The following NET1 variants were observed in gnomAD, a reference collection of about 807,000 sequenced individuals.
The protein encoded by NET1 is neuroepithelial cell-transforming gene 1 protein.
NET1 carries 42 observed loss-of-function variants against 61.1 expected under a neutral mutation model. The ratio of observed to expected loss-of-function variants is 0.69; its 90% CI spans 0.54 to 0.89. NET1 has a LOEUF of 0.89. Ranked by LOEUF, NET1 falls within the 40% of genes least tolerant of loss-of-function variation. NET1 has a pLI of 0.00. For synonymous variants in NET1, 254 were observed against 281.8 expected (o/e 0.90, Z 0.99); for missense variants, 654 against 747.3 (o/e 0.88, Z 1.46).
rs557012721 is a variant in NET1 at position 5,431,760 on chromosome 10, A to C, written c.255+2531A>C. Among the ~76,000 whole-genome samples, 32 of 152,144 alleles carry C rather than the reference A, an allele frequency of 2.1e-4. No individual in the cohort carries two copies. The highest frequency in any genetic ancestry group is 7.0e-4 in the African/African-American group (29 of 41,508). The stretch of plus-strand genomic sequence containing the variant: ...ATAAATACTTGTTTTACATGGATTC[A>C]GTTTTTTTTAAATTTTGTTTTGTAG... On this transcript the variant is annotated intron_variant, in intron 3 of 11. Transcript: ENST00000355029. This position sits in a 1 kb window ranked among gnomAD's most constrained non-coding sequence, Gnocchi z 4.9.
chr10:5,434,237 G>A (rs1393052890), intron 3 of NET1, among the ~76,000 whole-genome samples: 1 of 152,076 alleles, frequency 6.6e-6, no homozygotes, highest in East Asian at 1.9e-4. Flanking sequence ...TTCAAAGTAT[G>A]GTTTCATCCT....
At position 5,426,213 on chromosome 10, in the gene NET1, G is replaced by A. The variant is rs4418709; in HGVS notation, c.129-442G>A. On this transcript the variant is annotated intron_variant, in intron 1 of 11. Transcript: ENST00000355029. The surrounding 1 kb of genome is among the most constrained non-coding windows in gnomAD (Gnocchi z 4.6). Reference sequence around the variant, plus strand: ...GATTTACATGAAATGCAGATAATGTGAAGTTAGGTTTTGTTAAGAGTATCC... The same window carrying A: ...GATTTACATGAAATGCAGATAATGTAAAGTTAGGTTTTGTTAAGAGTATCC... Among the ~76,000 whole-genome samples, 106,193 of 152,048 alleles carry A rather than the reference G, an allele frequency of 0.7. 37,309 individuals carry two copies. The highest frequency in any genetic ancestry group is 0.75 in the Admixed American group (11,450 of 15,280).
rs373274839 is a variant in NET1, at chr10:5,435,530, T to C, written c.255+6301T>C. Among the ~76,000 whole-genome samples the C allele has an allele frequency of 0.11, 1,438 of 12,692 alleles. 48 individuals carry two copies. Among genetic ancestry groups the C allele is most frequent in the African/African-American group, 0.22 (1,325 of 6,054 alleles). The allele number at this position is 12,692 out of a possible 152,430, so 8.3% of individuals were successfully genotyped here. On this transcript the variant is annotated intron_variant, in intron 3 of 11. Transcript: ENST00000355029. This position sits in a 1 kb window ranked among gnomAD's most constrained non-coding sequence, Gnocchi z 5.0. ...ATAGATAGATAGATAGATAGATAGA[T>C]AGACAGACAGACAGATAGATAGATA...
chr10:5,427,285 G>C lies in NET1; in HGVS notation c.195+564G>C, dbSNP rs1361207932. On this transcript the variant is annotated intron_variant, in intron 2 of 11. Transcript: ENST00000355029. The surrounding 1 kb of genome is among the most constrained non-coding windows in gnomAD (Gnocchi z 4.1). ...TACATATATAAAGTACGTACAAATA[G>C]ATCATGATTCTTATGCTTATCTAGG... Among the ~76,000 whole-genome samples, 1 of 152,084 alleles carries C rather than the reference G, an allele frequency of 6.6e-6. No individual in the cohort carries two copies. The highest frequency in any genetic ancestry group is 2.4e-5 in the African/African-American group (1 of 41,412).
Position 5,457,889 on chromosome 10 carries a change from A to T in NET1, c.*895A>T, listed in dbSNP as rs1016022361. The T allele has an allele frequency of 6.6e-6, 1 of 152,646 alleles. No individual in the cohort carries two copies. The highest frequency in any genetic ancestry group is 2.4e-5 in the African/African-American group (1 of 41,458). 9.5% of individuals were successfully genotyped at this position (152,646 alleles called of 1,614,324 possible). On this transcript the variant is annotated 3_prime_UTR_variant, in exon 12 of 12. Transcript: ENST00000355029. This position sits in a 1 kb window ranked among gnomAD's most constrained non-coding sequence, Gnocchi z 5.4. The stretch of plus-strand genomic sequence containing the variant: ...TATTCTAGACTACTGAAAGAAAACC[A>T]CTTCAAAGATTTTGTTGAAAGTTTT...
chr10:5,439,355 G>A lies in NET1; in HGVS notation c.255+10126G>A, dbSNP rs776962687. On this transcript the variant is annotated intron_variant, in intron 3 of 11. Transcript: ENST00000355029. The surrounding 1 kb of genome is among the most constrained non-coding windows in gnomAD (Gnocchi z 4.8). ...TGAGGGCCAAATTTTTCTCTTAGTG[G>A]TTTTAGAGACCTACTCCACCCCTAG... Among the ~76,000 whole-genome samples the A allele has an allele frequency of 6.6e-6, 1 of 152,130 alleles. No individual in the cohort carries two copies. The highest frequency in any genetic ancestry group is 1.5e-5 in the Non-Finnish European group (1 of 68,014).
intron 3 of NET1, among the ~76,000 whole-genome samples, chr10:5,442,090 T>C (rs1293413780): frequency 6.6e-6 from 1 of 152,214 alleles, no homozygotes; most frequent in Non-Finnish European, 1.5e-5. Flanking sequence ...TTTAGTAATA[T>C]AAGACATGAA....
chr10:5,425,818 A>G (rs1832250386), intron 1 of NET1, among the ~76,000 whole-genome samples: 1 of 152,200 alleles, frequency 6.6e-6, no homozygotes, highest in Non-Finnish European at 1.5e-5. Flanking sequence ...ATTTATTTCC[A>G]CAAGGAAAAA....
Position 5,451,783 on chromosome 10 carries a change from C to A in NET1, c.256-47C>A. The stretch of plus-strand genomic sequence containing the variant: ...TACTTTGTCCAAGTTTGTATGAAAT[C>A]ATTGCACCTAGACATATATTTAGTG... On this transcript the variant is annotated intron_variant, in intron 3 of 11. Transcript: ENST00000355029. This position sits in a 1 kb window ranked among gnomAD's most constrained non-coding sequence, Gnocchi z 6.1. The A allele has an allele frequency of 5.6e-6, 8 of 1,437,884 alleles. No homozygotes were observed. The South Asian group carries it at 9.7e-5, about 17-fold the overall frequency. 89.1% of individuals were successfully genotyped at this position (1,437,884 alleles called of 1,614,324 possible).
chr10:5,452,898 A>AG lies in NET1; in HGVS notation c.574dup (p.Asp192GlyfsTer11). On this transcript the variant is annotated frameshift_variant, in exon 6 of 12. Coordinates refer to ENST00000355029, the MANE Select transcript of NET1 (RefSeq NM_001047160.3). LOFTEE classifies it high-confidence loss of function. The surrounding 1 kb of genome is among the most constrained non-coding windows in gnomAD (Gnocchi z 4.0). Reference sequence around the variant, plus strand: ...TCCCGAGGTGAACAGGATTTAATTGAGGATCTCAAACTTGCAAGAAAGGTC... The same window carrying AG: ...TCCCGAGGTGAACAGGATTTAATTGAGGGATCTCAAACTTGCAAGAAAGGTC... The AG allele has an allele frequency of 6.2e-7, 1 of 1,612,964 alleles. No individual in the cohort carries two copies. Among genetic ancestry groups the AG allele is most frequent in the Non-Finnish European group, 8.5e-7 (1 of 1,179,082 alleles).
rs556503358 is a variant in NET1 at position 5,446,585 on chromosome 10, C to A, written c.256-5245C>A. On this transcript the variant is annotated intron_variant, in intron 3 of 11. Coordinates refer to ENST00000355029, the MANE Select transcript of NET1 (RefSeq NM_001047160.3). This position sits in a 1 kb window ranked among gnomAD's most constrained non-coding sequence, Gnocchi z 5.0. ...TGGCCCCGCCCCCGAGCCCTGGGGT[C>A]GGTGCTTGCTGCCTGCGGCTCTCAG... The A allele has an allele frequency of 3.4e-6, 4 of 1,191,870 alleles. No homozygotes were observed. Among genetic ancestry groups the A allele is most frequent in the Admixed American group, 4.5e-5 (1 of 22,332 alleles). The allele number at this position is 1,191,870 out of a possible 1,614,324, so 73.8% of individuals were successfully genotyped here.
chr10:5,451,062 G>A lies in NET1; in HGVS notation c.256-768G>A, dbSNP rs1285813034. ...ATCTGTTAGTAATAGCTCAAACTGA[G>A]TATGTGCCAGGCACTGTTTCAAGCC... is the stretch of plus-strand genomic sequence containing the variant. On this transcript the variant is annotated intron_variant, in intron 3 of 11. Transcript: ENST00000355029. This position sits in a 1 kb window ranked among gnomAD's most constrained non-coding sequence, Gnocchi z 6.1. Among the ~76,000 whole-genome samples, 1 of 152,180 alleles carries A rather than the reference G, an allele frequency of 6.6e-6. No individual in the cohort carries two copies.
Position 5,453,061 on chromosome 10 carries a change from A to C in NET1, c.594+141A>C, listed in dbSNP as rs1832734441. ...AATACATTTTTTTTAGGTGAGGTCTAGACACATCCTCAAATACAAGTATTA... is the reference window on the plus strand; with the variant it reads ...AATACATTTTTTTTAGGTGAGGTCTCGACACATCCTCAAATACAAGTATTA... On this transcript the variant is annotated intron_variant, in intron 6 of 11. Transcript: ENST00000355029. The surrounding 1 kb of genome is among the most constrained non-coding windows in gnomAD (Gnocchi z 4.9). 13 of 716,880 alleles carry C rather than the reference A, an allele frequency of 1.8e-5. No homozygotes were observed. The East Asian group carries it at 3.3e-4, about 18-fold the overall frequency. 44.4% of individuals were successfully genotyped at this position (716,880 alleles called of 1,614,324 possible).
chr10:5,454,379 G>C lies in NET1; in HGVS notation c.883G>C (p.Glu295Gln). Residue 295 changes from glutamate to glutamine, a missense_variant, in exon 9 of 12, where the codon GAG becomes CAG. By Grantham distance (29) the Glu-to-Gln change is conservative. Coordinates refer to ENST00000355029, the MANE Select transcript of NET1 (RefSeq NM_001047160.3). The surrounding 1 kb of genome is among the most constrained non-coding windows in gnomAD (Gnocchi z 8.1). ...RVQDFLQRCL[E>Q]SPFSRKLDLW... The stretch of plus-strand genomic sequence containing the variant: ...CCAAGACTTCCTCCAGCGATGTCTC[G>C]AGTCTCCCTTCAGTCGAAAACTAGA... 1 of 1,614,092 alleles carries C rather than the reference G, an allele frequency of 6.2e-7. No homozygotes were observed. The highest frequency in any genetic ancestry group is 8.5e-7 in the Non-Finnish European group (1 of 1,180,020).
At position 5,456,825 on chromosome 10, in the gene NET1, T is replaced by C; in HGVS notation, c.1622T>C (p.Val541Ala). 3 of 1,613,916 alleles carry C rather than the reference T, an allele frequency of 1.9e-6. No individual in the cohort carries two copies. Among genetic ancestry groups the C allele is most frequent in the Non-Finnish European group, 2.5e-6 (3 of 1,179,940 alleles). ...ACAGCCCAGAGGAGGGCATCCACAG[T>C]TTCCAGTGTTACTCAGGTAGAAGTT... ...KLTAQRRASTVSSVTQVEVDE... is the reference protein window; with the variant it reads ...KLTAQRRASTASSVTQVEVDE... Residue 541 changes from valine to alanine, a missense_variant, in exon 12 of 12, where the codon GTT (valine) becomes GCT (alanine). Physicochemically the swap from Val to Ala is moderately conservative, Grantham distance 64. Transcript: ENST00000355029. The surrounding 1 kb of genome is among the most constrained non-coding windows in gnomAD (Gnocchi z 7.0).
Position 5,451,511 on chromosome 10 carries a change from T to TTTTAA in NET1, c.256-319_256-318insTTTAA, listed in dbSNP as rs1554818455. On this transcript the variant is annotated intron_variant, in intron 3 of 11. Transcript: ENST00000355029. This position sits in a 1 kb window ranked among gnomAD's most constrained non-coding sequence, Gnocchi z 6.1. The stretch of plus-strand genomic sequence containing the variant: ...TTTTCATAACAATAAGGCTTTTTTT[T>TTTTAA]AAAAAAAAAAAAAGTTATTCCCTGC... Among the ~76,000 whole-genome samples the TTTTAA allele has an allele frequency of 6.8e-6, 1 of 147,634 alleles. No individual in the cohort carries two copies. The highest frequency in any genetic ancestry group is 1.5e-5 in the Non-Finnish European group (1 of 66,938).
rs574356046 is a variant in NET1, at chr10:5,446,763, A to G, written c.256-5067A>G. The G allele has an allele frequency of 8.7e-6, 14 of 1,601,060 alleles. No individual in the cohort carries two copies. In the Admixed American group the frequency reaches 1.4e-4, roughly 15 times the overall value. ...GAAAGGTTTGAGGGAGTACTTGGGA[A>G]GCATGGTGGCACATGATGAGACTGG... On this transcript the variant is annotated intron_variant, in intron 3 of 11. Transcript: ENST00000355029. This position sits in a 1 kb window ranked among gnomAD's most constrained non-coding sequence, Gnocchi z 5.0.
In NET1 at chr10:5,451,994, T is replaced by C. The variant is rs1421952694; in HGVS notation, c.363+57T>C. The C allele has an allele frequency of 1.5e-6, 2 of 1,330,682 alleles. No individual in the cohort carries two copies. Among genetic ancestry groups the C allele is most frequent in the African/African-American group, 1.5e-5 (1 of 68,754 alleles). 82.4% of individuals were successfully genotyped at this position (1,330,682 alleles called of 1,614,324 possible). Reference sequence around the variant, plus strand: ...AGCGGACTTTATAGAAGCCTGGAATTTGTAGTTGTCTTTGAGCTGTACAAA... The same window carrying C: ...AGCGGACTTTATAGAAGCCTGGAATCTGTAGTTGTCTTTGAGCTGTACAAA... On this transcript the variant is annotated intron_variant, in intron 4 of 11. Transcript: ENST00000355029. This position sits in a 1 kb window ranked among gnomAD's most constrained non-coding sequence, Gnocchi z 6.1.
intron 3 of NET1, among the ~76,000 whole-genome samples, chr10:5,436,186 TTGTG>T (rs139070024): frequency 1.2e-3 from 26 of 21,284 alleles, no homozygotes; most frequent in African/African-American, 3.9e-3. Flanking sequence ...TGTGTGTGTG[TTGTG>T]TGTGTGTGTG....
Sources: gnomAD v4.1 joint callset for allele counts (sites outside exome capture counted in the v4.1 genomes callset) on GRCh38, gnomAD v4.1.1 for gene constraint, Gnocchi (gnomAD v3.1) non-coding constraint, MANE v1.5 for transcripts, NCBI Gene and HGNC (gene_info 2026-07-23, HGNC 2026-07-21) for gene names.